SRPK2: variants seen among roughly 807,000 people sequenced by gnomAD.
SRPK2 encodes the protein SRSF protein kinase 2.
Under a neutral mutation model 90.8 loss-of-function variants are expected in SRPK2, and 21 were observed. The ratio of observed to expected loss-of-function variants is 0.23; its 90% CI spans 0.16 to 0.33. SRPK2 has a LOEUF of 0.33. Ranked by LOEUF, SRPK2 falls within the 10% of genes least tolerant of loss-of-function variation. The pLI is 1.00. For synonymous variants in SRPK2, 288 were observed against 311.1 expected (o/e 0.93, Z 0.78); for missense variants, 620 against 869.0 (o/e 0.71, Z 3.60).
At chr7:105,351,097 T>C (rs900200258) in intron 2 of SRPK2, among the ~76,000 whole-genome samples, 7 of 152,162 alleles carry the variant, frequency 4.6e-5, no homozygotes, top group Non-Finnish European at 8.8e-5. Context: ...CCCTCATGAA[T>C]GGAACCTATT....
upstream of SRPK2, among the ~76,000 whole-genome samples, chr7:105,391,651 G>A (rs1442530228): frequency 6.6e-6 from 1 of 152,064 alleles, no homozygotes; most frequent in African/African-American, 2.4e-5. Context: ...CTCCAGCCTG[G>A]GCAACAGAGT....
At chr7:105,307,324 A>G (rs1811248796) in intron 2 of SRPK2, among the ~76,000 whole-genome samples, 1 of 152,256 alleles carries the variant, frequency 6.6e-6, no homozygotes, top group Non-Finnish European at 1.5e-5. Flanking sequence ...GAAAAATTCT[A>G]TGACGTTTTT....
chr7:105,164,932 A>G (rs1326340007), intron 6 of SRPK2, among the ~76,000 whole-genome samples: 1 of 152,198 alleles, frequency 6.6e-6, no homozygotes, highest in Non-Finnish European at 1.5e-5. Context: ...CCTAGCACCC[A>G]TCAGTCATGT....
chr7:105,341,902 G>A (rs1815841030), intron 2 of SRPK2, among the ~76,000 whole-genome samples: 1 of 152,070 alleles, frequency 6.6e-6, no homozygotes, highest in South Asian at 2.1e-4. Context: ...GGTAGACAGA[G>A]GTTGTAGTGA....
intron 4 of SRPK2, 33 bp from the exon 5 acceptor site, chr7:105,168,128 T>A: frequency 6.6e-7 from 1 of 1,514,218 alleles, no homozygotes; most frequent in Non-Finnish European, 9.0e-7. Flanking sequence ...AGTCTATTTA[T>A]CTATATTATC....
chr7:105,266,826 A>C (rs963765079), intron 2 of SRPK2, among the ~76,000 whole-genome samples: 2 of 152,216 alleles, frequency 1.3e-5, no homozygotes, highest in Non-Finnish European at 2.9e-5. Flanking sequence ...AAGTTCCTCC[A>C]AACAAATTAA....
chr7:105,125,222 T>TG (rs1409317343), intron 15 of SRPK2, among the ~76,000 whole-genome samples: 1 of 151,796 alleles, frequency 6.6e-6, no homozygotes, highest in East Asian at 1.9e-4. Context: ...AATTACTAAC[T>TG]GGGGACTATA....
At chr7:105,395,468 G>A (rs187939033) in intron 1 of SRPK2, among the ~76,000 whole-genome samples, 209 of 151,782 alleles carry the variant, frequency 1.4e-3, no homozygotes, top group African/African-American at 4.8e-3. Context: ...AGTGGCTCAT[G>A]CCTGTAATCC....
intron 7 of SRPK2, among the ~76,000 whole-genome samples, chr7:105,147,475 G>T (rs1292421704): frequency 1.3e-5 from 2 of 151,754 alleles, no homozygotes; most frequent in African/African-American, 4.8e-5. Flanking sequence ...ATGCCACCAC[G>T]CCTGGCTAAT....
chr7:105,142,427 T>A lies in SRPK2; in HGVS notation c.1124A>T (p.Asp375Val). 6.2e-7 allele frequency: 1 copy of A among 1,613,562 alleles called. No individual in the cohort carries two copies. The highest frequency in any genetic ancestry group is 1.1e-5 in the South Asian group (1 of 90,816). Residue 375 changes from aspartate (D) to valine (V), a missense_variant, in exon 11 of 16, where the codon GAT becomes GTT. Physicochemically the swap from Asp to Val is radical, Grantham distance 152. Transcript: ENST00000393651. The stretch of plus-strand genomic sequence containing the variant: ...GTTCGCAAGTTCCTGATCTACATCA[T>A]CTTCATCTTTTTCAATGTTTTCTTT... ...AEKENIEKDEDDVDQELANID... is the reference protein window; with the variant it reads ...AEKENIEKDEVDVDQELANID...
chr7:105,136,799 C>G (rs1331902683), intron 11 of SRPK2, among the ~76,000 whole-genome samples: 1 of 152,140 alleles, frequency 6.6e-6, no homozygotes, highest in Non-Finnish European at 1.5e-5. Flanking sequence ...AGTAGTGGAA[C>G]TAAGAGATTT....
intron 2 of SRPK2, among the ~76,000 whole-genome samples, chr7:105,348,478 G>A (rs1157770326): frequency 6.8e-6 from 1 of 148,064 alleles, no homozygotes; most frequent in African/African-American, 2.5e-5. Context: ...AGGCTGGAGT[G>A]CAATGGCATG....
chr7:105,388,033 C>A (rs992022126), intron 2 of SRPK2, among the ~76,000 whole-genome samples: 3 of 152,142 alleles, frequency 2.0e-5, no homozygotes, highest in African/African-American at 7.2e-5. Flanking sequence ...AGTTTCGAAT[C>A]CAAACCCGAG....
At chr7:105,136,135 A>G (rs1802769149) in intron 11 of SRPK2, among the ~76,000 whole-genome samples, 1 of 152,206 alleles carries the variant, frequency 6.6e-6, no homozygotes, top group South Asian at 2.1e-4. Context: ...CTTTGGTGAC[A>G]TGCTGTTATC....
chr7:105,265,316 T>A (rs986643257), intron 2 of SRPK2, among the ~76,000 whole-genome samples: 6 of 152,160 alleles, frequency 3.9e-5, no homozygotes, highest in African/African-American at 1.4e-4. Flanking sequence ...TTACAGAGTG[T>A]TTTCATTGTA....
chr7:105,290,265 T>C (rs1563198887), intron 2 of SRPK2, among the ~76,000 whole-genome samples: 1 of 144,316 alleles, frequency 6.9e-6, no homozygotes, highest in Non-Finnish European at 1.5e-5. Flanking sequence ...CCATTTGTAT[T>C]AAAAAAAAAA....
At chr7:105,279,836 A>G (rs1489983614) in intron 2 of SRPK2, among the ~76,000 whole-genome samples, 1 of 152,200 alleles carries the variant, frequency 6.6e-6, no homozygotes, top group Non-Finnish European at 1.5e-5. Flanking sequence ...TCAAGTAGAC[A>G]GTAGAAGTAA....
chr7:105,356,312 T>C lies in SRPK2; in HGVS notation c.71+32336A>G, dbSNP rs529922441. Among the ~76,000 whole-genome samples the C allele has an allele frequency of 9.2e-5, 14 of 152,226 alleles. No individual in the cohort carries two copies. In the East Asian group the frequency reaches 2.7e-3, roughly 29 times the overall value. ...AAGTAAAATAGGCCGTGCTCCATCC[T>C]GGAGCATGAAGGAAACTAGAGAGAA... On this transcript the variant is annotated intron_variant, in intron 2 of 15. Transcript: ENST00000393651.
In SRPK2 at chr7:105,360,964, G is replaced by A. The variant is rs555262951; in HGVS notation, c.71+27684C>T. On this transcript the variant is annotated intron_variant, in intron 2 of 15. Transcript: ENST00000393651. Reference sequence around the variant, plus strand: ...CCACTCGAATATTCAACACGTTGCTGGAAGTTCTGGCCAGGGCAATCAGGC... The same window carrying A: ...CCACTCGAATATTCAACACGTTGCTAGAAGTTCTGGCCAGGGCAATCAGGC... Among the ~76,000 whole-genome samples, 8 of 152,246 alleles carry A rather than the reference G, an allele frequency of 5.3e-5. No individual in the cohort carries two copies. The East Asian group carries it at 1.5e-3, about 29-fold the overall frequency.
Sources: gnomAD v4.1 joint callset for allele counts (sites outside exome capture counted in the v4.1 genomes callset) on GRCh38, gnomAD v4.1.1 for gene constraint, MANE v1.5 for transcripts, NCBI Gene and HGNC (gene_info 2026-07-23, HGNC 2026-07-21) for gene names.